GOLM2: variants seen among roughly 807,000 people sequenced by gnomAD.
GOLM2 encodes golgi membrane protein 2, also known as protein GOLM2.
Under a neutral mutation model 55.9 loss-of-function variants are expected in GOLM2, and 26 were observed. The observed-to-expected ratio is 0.47, with a 90% CI of 0.34 to 0.65. GOLM2 has a LOEUF of 0.65. Ranked by LOEUF, GOLM2 falls within the 30% of genes least tolerant of loss-of-function variation. The pLI, the probability that GOLM2 is intolerant of heterozygous loss-of-function variation, is 0.01. For missense variants in GOLM2, 486 were observed against 531.8 expected (o/e 0.91, Z 0.85); for synonymous variants, 165 against 194.6 (o/e 0.85, Z 1.27).
rs28689748 is a variant in GOLM2, at chr15:44,396,366, A to T, written c.1073-6521A>T. On this transcript the variant is annotated intron_variant, in intron 8 of 9. Transcript: ENST00000299957. Reference sequence around the variant, plus strand: ...GAGTGAGACTCCATCAAAAAAAAAAATTTTTTTTTAATAAAACATAAAATT... The same window carrying T: ...GAGTGAGACTCCATCAAAAAAAAAATTTTTTTTTTAATAAAACATAAAATT... Among the ~76,000 whole-genome samples, 687 of 151,730 alleles carry T rather than the reference A, an allele frequency of 4.5e-3. 6 individuals are homozygous for T. Among genetic ancestry groups the T allele is most frequent in the African/African-American group, 0.016 (651 of 41,316 alleles).
At chr15:44,314,451 CAGT>C (rs2078895324) in intron 1 of GOLM2, among the ~76,000 whole-genome samples, 1 of 149,874 alleles carries the variant, frequency 6.7e-6, no homozygotes, top group African/African-American at 2.5e-5. Flanking sequence ...CCCACCAACT[CAGT>C]AGGCTGAGGT....
At chr15:44,364,228 A>G (rs1474116051) in intron 6 of GOLM2, among the ~76,000 whole-genome samples, 1 of 152,084 alleles carries the variant, frequency 6.6e-6, no homozygotes, top group Non-Finnish European at 1.5e-5. Context: ...CACACACTTA[A>G]CACTTAGAAA....
chr15:44,333,720 T>A (rs2079038250), intron 4 of GOLM2, among the ~76,000 whole-genome samples: 2 of 151,734 alleles, frequency 1.3e-5, no homozygotes, highest in Non-Finnish European at 2.9e-5. Flanking sequence ...TCTCTTCTAT[T>A]CTCTTTTTTT....
intron 8 of GOLM2, among the ~76,000 whole-genome samples, chr15:44,385,368 C>T (rs1406820279): frequency 7.0e-6 from 1 of 142,690 alleles, no homozygotes; most frequent in Non-Finnish European, 1.5e-5. Flanking sequence ...CCCTTCCTCC[C>T]TTCCTTCCTT....
At chr15:44,390,326 A>C (rs531559316) in intron 8 of GOLM2, 2 of 152,348 alleles carry the variant, frequency 1.3e-5, no homozygotes, top group East Asian at 3.9e-4. Flanking sequence ...ATTTGTATTT[A>C]GATGCTTTGA....
chr15:44,360,287 T>C (rs1314093676), intron 6 of GOLM2, among the ~76,000 whole-genome samples: 1 of 152,246 alleles, frequency 6.6e-6, no homozygotes, highest in Admixed American at 6.5e-5. Flanking sequence ...GACCCATCAG[T>C]GTGTTGTATT....
At chr15:44,310,836 G>A (rs1177295348) in intron 1 of GOLM2, among the ~76,000 whole-genome samples, 2 of 152,086 alleles carry the variant, frequency 1.3e-5, no homozygotes, top group Non-Finnish European at 2.9e-5. Context: ...GACCAACGTG[G>A]TGAAACCCCA....
chr15:44,333,193 A>G (rs1187407453), intron 4 of GOLM2, among the ~76,000 whole-genome samples: 4 of 152,154 alleles, frequency 2.6e-5, no homozygotes, highest in Admixed American at 1.3e-4. Context: ...CGGCCTTCCA[A>G]AGTGCTGAGA....
chr15:44,398,155 A>G (rs139236362), intron 8 of GOLM2, among the ~76,000 whole-genome samples: 240 of 152,352 alleles, frequency 1.6e-3, no homozygotes, highest in African/African-American at 5.5e-3. Context: ...ATCAAAAGGA[A>G]GCCAACTGAA....
At chr15:44,368,303 A>ATTTTT (rs1245673474) in intron 6 of GOLM2, among the ~76,000 whole-genome samples, 2 of 115,692 alleles carry the variant, frequency 1.7e-5, no homozygotes, top group East Asian at 2.6e-4. Flanking sequence ...ACGCCCAGCT[A>ATTTTT]TTTTTTTTTT....
chr15:44,398,063 G>T (rs976057016), intron 8 of GOLM2, among the ~76,000 whole-genome samples: 1 of 152,194 alleles, frequency 6.6e-6, no homozygotes, highest in African/African-American at 2.4e-5. Context: ...GCATAAGGCA[G>T]ATCAGATTTC....
intron 6 of GOLM2, among the ~76,000 whole-genome samples, chr15:44,356,274 G>A (rs1379267444): frequency 3.3e-5 from 5 of 151,870 alleles, no homozygotes; most frequent in Admixed American, 1.3e-4. Flanking sequence ...AATCATTAGA[G>A]AAAATCAATG....
At chr15:44,337,481 T>C (rs959553800) in intron 4 of GOLM2, among the ~76,000 whole-genome samples, 3 of 152,046 alleles carry the variant, frequency 2.0e-5, no homozygotes, top group African/African-American at 7.2e-5. Flanking sequence ...GCAGGCTGTC[T>C]TGCAGAATCA....
intron 2 of GOLM2, among the ~76,000 whole-genome samples, 178 bp from the exon 3 acceptor site, chr15:44,328,507 C>T (rs564622572): frequency 6.6e-6 from 1 of 152,158 alleles, no homozygotes; most frequent in African/African-American, 2.4e-5. Flanking sequence ...TTTTATTGAC[C>T]ATGAATGTGT....
At chr15:44,380,703 AAAC>A (rs2079395640) in intron 7 of GOLM2, 100 bp from the exon 8 acceptor site, 1 of 819,424 alleles carries the variant, frequency 1.2e-6, no homozygotes, top group Non-Finnish European at 1.7e-6. Flanking sequence ...ACCCAATGTT[AAAC>A]AATAGTGTGT....
intron 3 of GOLM2, among the ~76,000 whole-genome samples, chr15:44,329,169 G>A (rs905337413): frequency 6.6e-6 from 1 of 152,182 alleles, no homozygotes; most frequent in African/African-American, 2.4e-5. Context: ...AAGAGCTGAG[G>A]GACTGAGTGC....
chr15:44,330,494 CAA>C (rs2079015679), intron 3 of GOLM2, among the ~76,000 whole-genome samples: 1 of 121,138 alleles, frequency 8.3e-6, no homozygotes, highest in South Asian at 2.6e-4. Flanking sequence ...GCCAGGGTGA[CAA>C]GAGCGAAACT....
chr15:44,361,289 T>C (rs988874385), intron 6 of GOLM2, among the ~76,000 whole-genome samples: 1 of 151,872 alleles, frequency 6.6e-6, no homozygotes, highest in African/African-American at 2.4e-5. Context: ...ATCAACAAGC[T>C]AGACCGCTAG....
intron 8 of GOLM2, 176 bp from the exon 9 acceptor site, chr15:44,402,709 CAG>C (rs1348091288): frequency 2.2e-6 from 1 of 461,960 alleles, no homozygotes; most frequent in African/African-American, 1.9e-5. Flanking sequence ...TACATATTTT[CAG>C]AGTCTTCCCT....
Sources: gnomAD v4.1 joint callset for allele counts (sites outside exome capture counted in the v4.1 genomes callset) on GRCh38, gnomAD v4.1.1 for gene constraint, MANE v1.5 for transcripts, NCBI Gene and HGNC (gene_info 2026-07-23, HGNC 2026-07-21) for gene names.